MORC3: variants seen among roughly 807,000 people sequenced by gnomAD.
The protein encoded by MORC3 is MORC family CW-type zinc finger 3.
In MORC3, 31 loss-of-function variants were observed where a neutral mutation model predicts 109.1. That is an observed-to-expected ratio of 0.28 (90% CI 0.21 to 0.38). The LOEUF (loss-of-function observed/expected upper bound fraction) is 0.38. Ranked by LOEUF, MORC3 falls within the 10% of genes least tolerant of loss-of-function variation. The pLI is 1.00. For synonymous variants in MORC3, 395 were observed against 380.7 expected (o/e 1.04, Z -0.44); for missense variants, 867 against 1,135.8 (o/e 0.76, Z 3.40).
rs1054786383 is a variant in MORC3, at chr21:36,361,984, G to A, written c.1407-199G>A. 2.7e-5 allele frequency: 17 copies of A among 634,656 alleles called. No individual in the cohort carries two copies. The African/African-American group carries it at 3.0e-4, about 11-fold the overall frequency. 39.3% of individuals were successfully genotyped at this position (634,656 alleles called of 1,614,324 possible). On this transcript the variant is annotated intron_variant, in intron 12 of 16. Transcript: ENST00000400485. ...ACACCAAAGATCTGCAGTTTATACCGGTGAGGATGGAAAAATTCAGGCTAA... is the reference window on the plus strand; with the variant it reads ...ACACCAAAGATCTGCAGTTTATACCAGTGAGGATGGAAAAATTCAGGCTAA...
chr21:36,368,370 G>A (rs1028228353), intron 14 of MORC3, among the ~76,000 whole-genome samples: 2 of 152,136 alleles, frequency 1.3e-5, no homozygotes, highest in African/African-American at 4.8e-5. Flanking sequence ...GGGGTGGGTA[G>A]CATTCTGTTC....
chr21:36,331,953 A>C (rs1239929190), intron 1 of MORC3, among the ~76,000 whole-genome samples: 2 of 152,158 alleles, frequency 1.3e-5, no homozygotes, highest in African/African-American at 4.8e-5. Flanking sequence ...CAGCCTGGGC[A>C]ACACAGTGAG....
At chr21:36,353,576 A>G (rs1601529352) in intron 9 of MORC3, among the ~76,000 whole-genome samples, 1 of 151,028 alleles carries the variant, frequency 6.6e-6, no homozygotes, top group Non-Finnish European at 1.5e-5. Flanking sequence ...CCCCATCTCT[A>G]CTATTTTATT....
chr21:36,349,287 G>T, intron 8 of MORC3, 24 bp from the exon 9 acceptor site: 1 of 1,517,970 alleles, frequency 6.6e-7, no homozygotes, highest in Non-Finnish European at 9.1e-7. Flanking sequence ...TGCTTAAAAT[G>T]CTGATTTCAT....
intron 14 of MORC3, among the ~76,000 whole-genome samples, chr21:36,366,913 G>C (rs1003079386): frequency 1.3e-5 from 2 of 152,174 alleles, no homozygotes; most frequent in Admixed American, 1.3e-4. Context: ...AGAAGTACTT[G>C]ATACAGCAAA....
At chr21:36,329,315 A>G (rs1020339547) in intron 1 of MORC3, among the ~76,000 whole-genome samples, 2 of 123,378 alleles carry the variant, frequency 1.6e-5, no homozygotes, top group Admixed American at 8.0e-5. Flanking sequence ...AAAAAAAAAG[A>G]AAGTTTACAA....
chr21:36,323,786 C>T (rs953176410), intron 1 of MORC3, among the ~76,000 whole-genome samples: 10 of 151,958 alleles, frequency 6.6e-5, no homozygotes, highest in Admixed American at 2.6e-4. Flanking sequence ...CAATTTTCTT[C>T]GCACCATTTT....
intron 6 of MORC3, among the ~76,000 whole-genome samples, chr21:36,341,878 C>A (rs556903613): frequency 2.0e-5 from 3 of 152,272 alleles, no homozygotes; most frequent in East Asian, 3.9e-4. Context: ...ATATATTAGT[C>A]AGTATATGGT....
intron 14 of MORC3, among the ~76,000 whole-genome samples, chr21:36,364,729 C>G (rs1205750112): frequency 6.6e-6 from 1 of 151,774 alleles, no homozygotes; most frequent in Non-Finnish European, 1.5e-5. Flanking sequence ...TATGACAATT[C>G]CTGCTTTTAA....
At chr21:36,371,371 G>A (rs2085864902) in intron 15 of MORC3, among the ~76,000 whole-genome samples, 1 of 152,152 alleles carries the variant, frequency 6.6e-6, no homozygotes, top group South Asian at 2.1e-4. Flanking sequence ...CCCATCATAG[G>A]TTGGAAACAG....
intron 1 of MORC3, among the ~76,000 whole-genome samples, chr21:36,322,853 G>C (rs2085208666): frequency 6.6e-6 from 1 of 151,850 alleles, no homozygotes; most frequent in Admixed American, 6.6e-5. Flanking sequence ...GGATTTAGCT[G>C]ATGCACACTC....
At chr21:36,325,179 G>A (rs1455870976) in intron 1 of MORC3, among the ~76,000 whole-genome samples, 2 of 151,904 alleles carry the variant, frequency 1.3e-5, no homozygotes, top group African/African-American at 4.8e-5. Context: ...GGGAACTGTT[G>A]GACCATAAGT....
intron 1 of MORC3, chr21:36,320,686 G>C (rs2085182152): frequency 4.8e-6 from 1 of 206,784 alleles, no homozygotes; most frequent in Non-Finnish European, 9.6e-6. Flanking sequence ...GAGGGAGCGG[G>C]TTCCGCGTCC....
At chr21:36,350,067 G>A (rs1041392559) in intron 9 of MORC3, among the ~76,000 whole-genome samples, 9 of 152,152 alleles carry the variant, frequency 5.9e-5, no homozygotes, top group African/African-American at 2.2e-4. Flanking sequence ...CACTAAGGGG[G>A]CCCAAAGGTG....
At chr21:36,322,450 C>T (rs1204877403) in intron 1 of MORC3, among the ~76,000 whole-genome samples, 3 of 152,160 alleles carry the variant, frequency 2.0e-5, no homozygotes, top group East Asian at 3.8e-4. Flanking sequence ...CGGCTCACTG[C>T]AGCCTCCACC....
chr21:36,348,136 G>A lies in MORC3; in HGVS notation c.1006-1175G>A, dbSNP rs976776291. ...AACAAAATATACTTGTTAGTCACAC[G>A]TAGATAATCAGAAGATGACTCATAT... On this transcript the variant is annotated intron_variant, in intron 8 of 16. Coordinates refer to ENST00000400485, the MANE Select transcript of MORC3 (RefSeq NM_015358.3). The A allele has an allele frequency of 3.9e-5, 6 of 152,244 alleles. No homozygotes were observed. In the East Asian group the frequency reaches 5.8e-4, roughly 15 times the overall value. 9.4% of individuals were successfully genotyped at this position (152,244 alleles called of 1,614,324 possible). A position where few individuals can be genotyped will look rare whatever the true frequency, so the allele number is the denominator to read the frequency against.
chr21:36,338,062 C>A (rs551444075), intron 4 of MORC3, 116 bp downstream of exon 4: 3 of 1,039,370 alleles, frequency 2.9e-6, no homozygotes, highest in African/African-American at 3.2e-5. Context: ...TATTCCATTT[C>A]TTACCTCTGT....
chr21:36,344,738 T>C (rs750029882), intron 7 of MORC3, 31 bp downstream of exon 7: 70 of 1,610,576 alleles, frequency 4.3e-5, no homozygotes, highest in Non-Finnish European at 5.3e-5. Flanking sequence ...TATAGAGATA[T>C]GTTAGTCAGG....
chr21:36,375,411 T>C lies in MORC3; in HGVS notation c.*115T>C. 1.1e-6 allele frequency: 1 copy of C among 937,498 alleles called. No homozygotes were observed. Among genetic ancestry groups the C allele is most frequent in the Non-Finnish European group, 1.5e-6 (1 of 645,486 alleles). 58.1% of individuals were successfully genotyped at this position (937,498 alleles called of 1,614,324 possible). ...AGGCAACAGACTGAAAACCATAATC[T>C]TTACTGTATTCTATGCATTCAAATG... On this transcript the variant is annotated 3_prime_UTR_variant, in exon 17 of 17. Coordinates refer to ENST00000400485, the MANE Select transcript of MORC3 (RefSeq NM_015358.3).
Sources: gnomAD v4.1 joint callset for allele counts (sites outside exome capture counted in the v4.1 genomes callset) on GRCh38, gnomAD v4.1.1 for gene constraint, MANE v1.5 for transcripts, NCBI Gene and HGNC (gene_info 2026-07-23, HGNC 2026-07-21) for gene names.